The following PHKA2 variants were observed in gnomAD, a reference collection of about 807,000 sequenced individuals.
PHKA2 encodes phosphorylase b kinase regulatory subunit alpha, liver isoform.
Under a neutral mutation model 102.0 loss-of-function variants are expected in PHKA2, and 31 were observed. That is an observed-to-expected ratio of 0.30 (90% CI 0.23 to 0.41). The LOEUF is 0.41. Ranked by LOEUF, PHKA2 falls within the 10% of genes least tolerant of loss-of-function variation. The probability of loss-of-function intolerance (pLI) is 1.00; values close to 1 mark genes in which losing one functional copy is unlikely to be tolerated. For synonymous variants in PHKA2, 455 were observed against 416.2 expected (o/e 1.09, Z -1.13); for missense variants, 858 against 1,023.1 (o/e 0.84, Z 2.20).
chrX:18,904,974 A>G (rs889305558), intron 26 of PHKA2, among the ~76,000 whole-genome samples: 6 of 111,840 alleles, frequency 5.4e-5, no homozygotes, highest in African/African-American at 1.6e-4. Context: ...TCCGGTTCAG[A>G]TAAAAACAGA....
chrX:18,981,286 T>C (rs370801692), intron 1 of PHKA2, among the ~76,000 whole-genome samples: 1 of 110,882 alleles, frequency 9.0e-6, no homozygotes, highest in African/African-American at 3.3e-5. Flanking sequence ...GGGAGTATCC[T>C]GGTTAGCCAG....
chrX:18,974,041 C>T (rs995931210), intron 1 of PHKA2, among the ~76,000 whole-genome samples: 2 of 110,892 alleles, frequency 1.8e-5, no homozygotes, highest in Non-Finnish European at 3.8e-5. Context: ...TGCTGGTGTG[C>T]CCTGCTTCCC....
At chrX:18,974,236 C>T (rs2049054716) in intron 1 of PHKA2, among the ~76,000 whole-genome samples, 1 of 110,667 alleles carries the variant, frequency 9.0e-6, no homozygotes, top group African/African-American at 3.3e-5. Context: ...TATCTCCACC[C>T]AACCACTGCT....
chrX:18,897,543 C>T (rs2047593850), intron 29 of PHKA2: 1 of 434,340 alleles, frequency 2.3e-6, no homozygotes, highest in South Asian at 3.5e-5. Flanking sequence ...CCATGTTGCA[C>T]TCTGCCCTGC....
intron 18 of PHKA2, among the ~76,000 whole-genome samples, chrX:18,919,819 T>A (rs2048085888): frequency 9.1e-6 from 1 of 109,876 alleles, no homozygotes; most frequent in East Asian, 2.8e-4. Context: ...GGTTTAAAAA[T>A]GCCCCACTTT....
intron 26 of PHKA2, among the ~76,000 whole-genome samples, chrX:18,903,236 A>G (rs1272685436): frequency 8.9e-6 from 1 of 112,435 alleles, no homozygotes; most frequent in African/African-American, 3.2e-5. Context: ...ATGTTTCATG[A>G]CCGCATGGAG....
At chrX:18,899,384 A>T (rs2047635948) in intron 28 of PHKA2, among the ~76,000 whole-genome samples, 158 bp from the exon 29 acceptor site, 1 of 112,636 alleles carries the variant, frequency 8.9e-6, no homozygotes, top group Non-Finnish European at 1.9e-5. Context: ...AGGCAAGCTC[A>T]GGTGCAGGGG....
chrX:18,959,671 T>A (rs977510475), intron 1 of PHKA2, among the ~76,000 whole-genome samples: 1 of 111,211 alleles, frequency 9.0e-6, no homozygotes, highest in African/African-American at 3.3e-5. Flanking sequence ...CATGACTAAA[T>A]TAATATCAGG....
chrX:18,898,111 C>T (rs186803543), intron 29 of PHKA2: 1 of 113,037 alleles, frequency 8.8e-6, no homozygotes, highest in African/African-American at 3.2e-5. Context: ...GTCCATCCAC[C>T]CACCCTTTGC....
chrX:18,931,370 A>G (rs1369105951), intron 12 of PHKA2, among the ~76,000 whole-genome samples: 1 of 111,476 alleles, frequency 9.0e-6, no homozygotes, highest in Non-Finnish European at 1.9e-5. Context: ...CTGACCATCA[A>G]CTGGAACAGA....
rs370975072 is a variant in PHKA2, at chrX:18,897,147, T to A, written c.3282+16A>T. 4.1e-6 allele frequency: 5 copies of A among 1,208,274 alleles called. No individual in the cohort carries two copies. The highest frequency in any genetic ancestry group is 5.6e-6 in the Non-Finnish European group (5 of 893,914). ...GGGGACGGTTCACTTCCCCAGGAGC[T>A]CGCGTCTCGGCTTACCTTCTGGAGG... On this transcript the variant is annotated intron_variant, in intron 30 of 32. Transcript: ENST00000379942.
chrX:18,904,990 C>G (rs1230830019), intron 26 of PHKA2, among the ~76,000 whole-genome samples: 2 of 111,368 alleles, frequency 1.8e-5, no homozygotes, highest in Non-Finnish European at 3.8e-5. Context: ...ACAGAGTGAG[C>G]GAGGCAGGAC....
At chrX:18,981,957 T>C (rs906577160) in intron 1 of PHKA2, among the ~76,000 whole-genome samples, 5 of 111,916 alleles carry the variant, frequency 4.5e-5, no homozygotes, top group African/African-American at 1.6e-4. Context: ...GAGCAGGGGA[T>C]TCAAACCCAG....
At chrX:18,919,728 C>CA (rs56042937) in intron 18 of PHKA2, among the ~76,000 whole-genome samples, 2,994 of 27,539 alleles carry the variant, frequency 0.11, 70 homozygotes, top group African/African-American at 0.15. Context: ...CAAACAACAA[C>CA]AAAAAAAAAA....
chrX:18,907,875 G>C lies in PHKA2; in HGVS notation c.2517+25C>G, dbSNP rs199813584. On this transcript the variant is annotated intron_variant, in intron 22 of 32. Transcript: ENST00000379942. ...GGGGCACGAGCTAGTGAGCACACAT[G>C]GGCAGCCTGCACAGTCGCACTGACC... The C allele has an allele frequency of 3.9e-4, 472 of 1,204,245 alleles. 1 individual carries two copies. The highest frequency in any genetic ancestry group is 1.0e-4 in the Non-Finnish European group (89 of 890,671).
chrX:18,975,777 C>T lies in PHKA2; in HGVS notation c.78+8078G>A, dbSNP rs754914678. 4.5e-5 allele frequency among the ~76,000 whole-genome samples: 5 copies of T among 110,755 alleles called. No homozygotes were observed. In the South Asian group the frequency reaches 1.9e-3, roughly 43 times the overall value. On this transcript the variant is annotated intron_variant, in intron 1 of 32. Coordinates refer to ENST00000379942, the MANE Select transcript of PHKA2 (RefSeq NM_000292.3). The stretch of plus-strand genomic sequence containing the variant: ...CCACTTGAACAACCGTTGTCTGAGT[C>T]ATCATGCTCCAACTGCAGAAGCTTC...
At chrX:18,896,836 TCTTA>T (rs1346715472) in intron 30 of PHKA2, among the ~76,000 whole-genome samples, 6 of 112,137 alleles carry the variant, frequency 5.4e-5, no homozygotes, top group Admixed American at 9.4e-5. Flanking sequence ...TGCCACCTTG[TCTTA>T]CTTGCTGTGG....
rs113543433 is a variant in PHKA2, at chrX:18,910,580, T to C, written c.2226+292A>G. 4.4e-3 allele frequency among the ~76,000 whole-genome samples: 492 copies of C among 112,147 alleles called. 4 individuals carry two copies. Among genetic ancestry groups the C allele is most frequent in the African/African-American group, 0.015 (459 of 30,887 alleles). On this transcript the variant is annotated intron_variant, in intron 20 of 32. Transcript: ENST00000379942. ...GTTAGGCGGGGTTAGGTAGTGAGCTTTTTCCTCTAGTGGCTACATAGACTC... is the reference window on the plus strand; with the variant it reads ...GTTAGGCGGGGTTAGGTAGTGAGCTCTTTCCTCTAGTGGCTACATAGACTC...
chrX:18,899,298 G>A, intron 28 of PHKA2, 72 bp from the exon 29 acceptor site: 1 of 895,805 alleles, frequency 1.1e-6, no homozygotes, highest in South Asian at 2.0e-5. Context: ...GAGGGTCATG[G>A]AGCAGCATCC....
Sources: gnomAD v4.1 joint callset for allele counts (sites outside exome capture counted in the v4.1 genomes callset) on GRCh38, gnomAD v4.1.1 for gene constraint, MANE v1.5 for transcripts, NCBI Gene and HGNC (gene_info 2026-07-23, HGNC 2026-07-21) for gene names.